Variants in SEMG1 observed in about 807,000 individuals in gnomAD.
SEMG1 encodes semenogelin 1.
A neutral mutation model predicts 8.8 loss-of-function variants in SEMG1; 6 were observed. That is an observed-to-expected ratio of 0.68 (90% CI 0.37 to 1.35). The LOEUF is 1.35. SEMG1 is among the 40% of genes most tolerant of loss of function. The pLI, the probability that SEMG1 is intolerant of heterozygous loss-of-function variation, is 0.02. For synonymous variants in SEMG1, 221 were observed against 190.3 expected, an observed-to-expected ratio of 1.16 and a Z score of -1.33; for missense variants, 580 against 533.6, an observed-to-expected ratio of 1.09 and a Z score of -0.86.
Position 45,207,502 on chromosome 20 carries a change from T to C in SEMG1, c.205T>C (p.Tyr69His), listed in dbSNP as rs1028248052. The part of the protein sequence containing the change: ...SKGSFSIQYT[Y>H]HVDANDHDQS... The stretch of plus-strand genomic sequence containing the variant: ...AGGCAGTTTTTCTATTCAATACACA[T>C]ATCATGTAGATGCCAATGATCATGA... Residue 69 changes from tyrosine to histidine, a missense_variant, in exon 2 of 3, where the codon TAT becomes CAT. Tyr to His is a moderately conservative substitution (Grantham distance 83). Transcript: ENST00000372781. 1.1e-5 allele frequency: 18 copies of C among 1,613,854 alleles called. No homozygotes were observed. Among genetic ancestry groups the C allele is most frequent in the South Asian group, 3.3e-5 (3 of 91,072 alleles).
intron 2 of SEMG1, among the ~76,000 whole-genome samples, chr20:45,209,377 G>T (rs1026509972): frequency 6.6e-6 from 1 of 152,184 alleles, no homozygotes; most frequent in Non-Finnish European, 1.5e-5. Context: ...CTGAAGCCCT[G>T]AGAGGGGTAA....
chr20:45,208,343 A>T lies in SEMG1; in HGVS notation c.1046A>T (p.Gln349Leu). 6.2e-7 allele frequency: 1 copy of T among 1,611,692 alleles called. No homozygotes were observed. Among genetic ancestry groups the T allele is most frequent in the Non-Finnish European group, 8.5e-7 (1 of 1,178,714 alleles). ...CAAAAGGCAAATAAAATATCATACC[A>T]ATCTTCAAGTACGGAAGAAAGACGA... ...HSQKANKISY[Q>L]SSSTEERRLH... The change falls in exon 2 of 3, where the codon CAA becomes CTA. Residue 349 changes from glutamine (Q) to leucine (L), a missense_variant. Gln to Leu is a moderately radical substitution (Grantham distance 113). Coordinates refer to ENST00000372781, the MANE Select transcript of SEMG1 (RefSeq NM_003007.5).
At position 45,208,198 on chromosome 20, in the gene SEMG1, GGA is replaced by G. The variant is rs1983753251; in HGVS notation, c.904_905del (p.Glu302LysfsTer14). 2 of 1,613,356 alleles carry G rather than the reference GGA, an allele frequency of 1.2e-6. No homozygotes were observed. The highest frequency in any genetic ancestry group is 1.7e-6 in the Non-Finnish European group (2 of 1,179,708). ...TACAGAAGAAAGACGACTCCACTATGGAGAAAATGGTGTGCAGAAAGATGTAT... is the reference window on the plus strand; with the variant it reads ...TACAGAAGAAAGACGACTCCACTATGGAAAATGGTGTGCAGAAAGATGTAT... ...SSTEERRLHY[G>X]ENGVQKDVSQ... On this transcript the variant is annotated frameshift_variant, in exon 2 of 3. Transcript: ENST00000372781. LOFTEE classifies it low-confidence loss of function (END_TRUNC).
chr20:45,209,217 G>T (rs1983789659), intron 2 of SEMG1, among the ~76,000 whole-genome samples: 1 of 152,062 alleles, frequency 6.6e-6, no homozygotes, highest in Admixed American at 6.6e-5. Flanking sequence ...CAAGCCCAAA[G>T]ACTATCAGTC....
Position 45,208,029 on chromosome 20 carries a change from C to G in SEMG1, c.732C>G (p.Asp244Glu), listed in dbSNP as rs1273852584. The G allele has an allele frequency of 6.2e-7, 1 of 1,613,960 alleles. No individual in the cohort carries two copies. Among genetic ancestry groups the G allele is most frequent in the Non-Finnish European group, 8.5e-7 (1 of 1,180,004 alleles). ...VQTSLCPAHQ[D>E]KLQHGSKDIF... Reference sequence around the variant, plus strand: ...CCTCACTCTGTCCTGCGCACCAAGACAAACTCCAACATGGATCCAAAGACA... The same window carrying G: ...CCTCACTCTGTCCTGCGCACCAAGAGAAACTCCAACATGGATCCAAAGACA... The change falls in exon 2 of 3, where the codon GAC becomes GAG. Residue 244 changes from aspartate to glutamate, a missense_variant. Coordinates refer to ENST00000372781, the MANE Select transcript of SEMG1 (RefSeq NM_003007.5).
intron 1 of SEMG1, 116 bp from the exon 2 acceptor site, chr20:45,207,258 C>A: frequency 6.8e-7 from 1 of 1,473,006 alleles, no homozygotes; most frequent in South Asian, 1.3e-5. Context: ...TTTCTCCACC[C>A]AAAGCTTCAG....
intron 1 of SEMG1, 64 bp downstream of exon 1, chr20:45,207,193 G>A: frequency 1.2e-6 from 2 of 1,602,266 alleles, no homozygotes; most frequent in Non-Finnish European, 1.7e-6. Flanking sequence ...AGATTATTTG[G>A]GGTGCAAACA....
rs2233885 is a variant in SEMG1 at position 45,208,138 on chromosome 20, C to T, written c.841C>T (p.Arg281Ter). 3.3e-4 allele frequency: 525 copies of T among 1,613,942 alleles called. 1 individual carries two copies. The African/African-American group carries it at 5.8e-3, about 18-fold the overall frequency. Reference protein sequence around the residue: ...KNLNQDQQHGRKANKISYQSS... With the variant: ...KNLNQDQQHG Reference sequence around the variant, plus strand: ...TCTCAATCAAGATCAACAGCATGGCCGAAAGGCAAATAAAATATCATACCA... The same window carrying T: ...TCTCAATCAAGATCAACAGCATGGCTGAAAGGCAAATAAAATATCATACCA... Residue 281 changes from arginine (R) to a stop codon, truncating the protein, a stop_gained, in exon 2 of 3, where the codon CGA becomes TGA. Coordinates refer to ENST00000372781, the MANE Select transcript of SEMG1 (RefSeq NM_003007.5). LOFTEE classifies it low-confidence loss of function (END_TRUNC).
In SEMG1 at chr20:45,208,395, G is replaced by C. The variant is rs759835799; in HGVS notation, c.1098G>C (p.Gln366His). Residue 366 changes from glutamine (Q) to histidine (H), a missense_variant, in exon 2 of 3, where the codon CAG (glutamine) becomes CAC (histidine). By Grantham distance (24) the Gln-to-His change is conservative. Transcript: ENST00000372781. ...TCCACTATGGAGAAAATGGTGTGCA[G>C]AAAGATGTATCCCAACGCAGTATTT... ...RRLHYGENGV[Q>H]KDVSQRSIYS... 6.2e-7 allele frequency: 1 copy of C among 1,613,924 alleles called. No individual in the cohort carries two copies. The highest frequency in any genetic ancestry group is 8.5e-7 in the Non-Finnish European group (1 of 1,179,930).
Sources: gnomAD v4.1 joint callset for allele counts (sites outside exome capture counted in the v4.1 genomes callset) on GRCh38, gnomAD v4.1.1 for gene constraint, MANE v1.5 for transcripts, NCBI Gene and HGNC (gene_info 2026-07-23, HGNC 2026-07-21) for gene names.